TWIST2: variants seen among roughly 807,000 people sequenced by gnomAD.
The protein encoded by TWIST2 is twist-related protein 2.
TWIST2 carries 1 observed loss-of-function variant against 11.6 expected under a neutral mutation model. The ratio of observed to expected loss-of-function variants is 0.09; its 90% CI spans 0.03 to 0.41. The LOEUF is 0.41. Ranked by LOEUF, TWIST2 falls within the 10% of genes least tolerant of loss-of-function variation. The pLI is 0.98. For missense variants in TWIST2, 168 were observed against 226.4 expected, an observed-to-expected ratio of 0.74 and a Z score of 1.66; for synonymous variants, 87 against 96.6, an observed-to-expected ratio of 0.90 and a Z score of 0.58.
intron 1 of TWIST2, among the ~76,000 whole-genome samples, chr2:238,905,940 TGTGCGCGC>T (rs1476254502): frequency 5.0e-4 from 54 of 107,590 alleles, no homozygotes; most frequent in Non-Finnish European, 8.2e-4. Context: ...TGCGCGTGTG[TGTGCGCGC>T]GCGTGTGTAC....
intron 1 of TWIST2, among the ~76,000 whole-genome samples, chr2:238,859,085 G>A (rs1194158249): frequency 1.3e-5 from 2 of 151,880 alleles, no homozygotes; most frequent in African/African-American, 2.4e-5. Flanking sequence ...GGTGGCGGGC[G>A]CTTATAGTTC....
intron 1 of TWIST2, among the ~76,000 whole-genome samples, chr2:238,899,567 G>A (rs1447599611): frequency 2.6e-5 from 4 of 152,160 alleles, no homozygotes; most frequent in African/African-American, 4.8e-5. Flanking sequence ...TCCAGGGCCC[G>A]TCTCAGGGAG....
At position 238,864,947 on chromosome 2, in the gene TWIST2, A is replaced by T. The variant is rs1334680991; in HGVS notation, c.*35+16214A>T. Among the ~76,000 whole-genome samples the T allele has an allele frequency of 6.6e-6, 1 of 152,072 alleles. No homozygotes were observed. The highest frequency in any genetic ancestry group is 2.4e-5 in the African/African-American group (1 of 41,430). ...CCGGGAGGACCTGGAGGATGCATCTACTGCCAGGCTCGGTGGGCCTGGCCA... is the reference window on the plus strand; with the variant it reads ...CCGGGAGGACCTGGAGGATGCATCTTCTGCCAGGCTCGGTGGGCCTGGCCA... On this transcript the variant is annotated intron_variant, in intron 1 of 1. Transcript: ENST00000612363. The surrounding 1 kb of genome is among the most constrained non-coding windows in gnomAD (Gnocchi z 4.7).
chr2:238,870,432 TACACACACCACACACCCCA>T (rs1692648880), intron 1 of TWIST2, among the ~76,000 whole-genome samples: 2 of 1,620 alleles, frequency 1.2e-3, no homozygotes, highest in African/African-American at 1.9e-3. Context: ...CCACACACCC[TACACACACCACACACCCCA>T]CACACACCAC....
chr2:238,867,939 T>A lies in TWIST2; in HGVS notation c.*35+19206T>A, dbSNP rs1019402057. On this transcript the variant is annotated intron_variant, in intron 1 of 1. Transcript: ENST00000612363. The surrounding 1 kb of genome is among the most constrained non-coding windows in gnomAD (Gnocchi z 4.8). ...GAATGTGTTGGAGCAGAGACTGTGGTCAGCGGAAGGCATGAGAGGGGCCAC... is the reference window on the plus strand; with the variant it reads ...GAATGTGTTGGAGCAGAGACTGTGGACAGCGGAAGGCATGAGAGGGGCCAC... Among the ~76,000 whole-genome samples the A allele has an allele frequency of 2.0e-5, 3 of 152,092 alleles. No individual in the cohort carries two copies. The highest frequency in any genetic ancestry group is 2.0e-4 in the Admixed American group (3 of 15,278).
intron 1 of TWIST2, among the ~76,000 whole-genome samples, chr2:238,879,721 G>T (rs1209623836): frequency 6.6e-6 from 1 of 152,226 alleles, no homozygotes; most frequent in Admixed American, 6.5e-5. Context: ...GACATGGACA[G>T]CCCTGCCAGA....
chr2:238,870,530 CACCCTACAT>C (rs1692654692), intron 1 of TWIST2, among the ~76,000 whole-genome samples: 1 of 136,120 alleles, frequency 7.3e-6, no homozygotes, highest in Non-Finnish European at 1.6e-5. Flanking sequence ...ACAAACCACA[CACCCTACAT>C]ACCCCACACA....
chr2:238,866,069 G>A lies in TWIST2; in HGVS notation c.*35+17336G>A, dbSNP rs934236464. On this transcript the variant is annotated intron_variant, in intron 1 of 1. Transcript: ENST00000612363. The surrounding 1 kb of genome is among the most constrained non-coding windows in gnomAD (Gnocchi z 4.9). The stretch of plus-strand genomic sequence containing the variant: ...AACCTGTTAATGGAATAGCATGGAC[G>A]ATGCACCCCACACTGCATCTGGTGT... Among the ~76,000 whole-genome samples, 6 of 152,274 alleles carry A rather than the reference G, an allele frequency of 3.9e-5. No individual in the cohort carries two copies. The highest frequency in any genetic ancestry group is 9.6e-5 in the African/African-American group (4 of 41,566).
rs1692478785 is a variant in TWIST2 at position 238,863,912 on chromosome 2, G to T, written c.*35+15179G>T. On this transcript the variant is annotated intron_variant, in intron 1 of 1. Coordinates refer to ENST00000612363, the MANE Select transcript of TWIST2 (RefSeq NM_001271893.4). This position sits in a 1 kb window ranked among gnomAD's most constrained non-coding sequence, Gnocchi z 4.7. ...AGAGTAGGTCTACCCCCTATCCTGGGGGCATCCCTGTGTGCCAGCTTCTCC... is the reference window on the plus strand; with the variant it reads ...AGAGTAGGTCTACCCCCTATCCTGGTGGCATCCCTGTGTGCCAGCTTCTCC... Among the ~76,000 whole-genome samples the T allele has an allele frequency of 6.6e-6, 1 of 152,082 alleles. No individual in the cohort carries two copies.
intron 1 of TWIST2, among the ~76,000 whole-genome samples, chr2:238,901,789 A>G (rs1693271226): frequency 6.6e-6 from 1 of 152,096 alleles, no homozygotes; most frequent in African/African-American, 2.4e-5. Context: ...GCCAGGACCC[A>G]TCGAGACCCA....
At chr2:238,902,015 G>T (rs887044441) in intron 1 of TWIST2, among the ~76,000 whole-genome samples, 2 of 152,140 alleles carry the variant, frequency 1.3e-5, no homozygotes, top group Non-Finnish European at 2.9e-5. Context: ...AGGGGCTGAG[G>T]AAAGGCAGGG....
chr2:238,908,491 CACAT>C (rs1380421487), intron 1 of TWIST2, among the ~76,000 whole-genome samples: 3 of 152,058 alleles, frequency 2.0e-5, no homozygotes, highest in Non-Finnish European at 2.9e-5. Context: ...CTATATACCA[CACAT>C]ACATACCCCA....
chr2:238,855,600 G>T (rs1048274585), intron 1 of TWIST2, among the ~76,000 whole-genome samples: 1 of 152,104 alleles, frequency 6.6e-6, no homozygotes, highest in African/African-American at 2.4e-5. Context: ...GTTTCCTACC[G>T]CTTCCCCCAA....
intron 1 of TWIST2, among the ~76,000 whole-genome samples, chr2:238,888,103 G>A (rs1371155714): frequency 6.6e-6 from 1 of 152,212 alleles, no homozygotes; most frequent in African/African-American, 2.4e-5. Context: ...TGTTCCCAAG[G>A]TGTAACCATA....
intron 1 of TWIST2, among the ~76,000 whole-genome samples, chr2:238,895,538 C>T (rs1203333361): frequency 1.3e-5 from 2 of 152,222 alleles, no homozygotes; most frequent in Non-Finnish European, 2.9e-5. Flanking sequence ...TTGCAGGGCC[C>T]AGGTACTGGG....
chr2:238,854,757 T>G (rs1692299759), intron 1 of TWIST2, among the ~76,000 whole-genome samples: 2 of 152,208 alleles, frequency 1.3e-5, no homozygotes, highest in Admixed American at 6.5e-5. Flanking sequence ...AGGGGCTCCA[T>G]GAGGGACAGC....
At chr2:238,881,523 G>C (rs1187622033) in intron 1 of TWIST2, among the ~76,000 whole-genome samples, 4 of 152,006 alleles carry the variant, frequency 2.6e-5, no homozygotes, top group African/African-American at 9.7e-5. Flanking sequence ...GTATTTGTTA[G>C]TATTAGTGTT....
chr2:238,907,275 A>G, intron 1 of TWIST2, among the ~76,000 whole-genome samples: 1 of 152,290 alleles, frequency 6.6e-6, no homozygotes, highest in South Asian at 2.1e-4. Context: ...TTATGACACC[A>G]CATCCCTGTA....
Position 238,864,092 on chromosome 2 carries a change from T to A in TWIST2, c.*35+15359T>A, listed in dbSNP as rs1692484744. ...ACCCTGGGCTACATTTGACGCATATTTCTGGCAAATTCTGGGACCACCTTT... is the reference window on the plus strand; with the variant it reads ...ACCCTGGGCTACATTTGACGCATATATCTGGCAAATTCTGGGACCACCTTT... On this transcript the variant is annotated intron_variant, in intron 1 of 1. Coordinates refer to ENST00000612363, the MANE Select transcript of TWIST2 (RefSeq NM_001271893.4). This position sits in a 1 kb window ranked among gnomAD's most constrained non-coding sequence, Gnocchi z 4.7. 6.6e-6 allele frequency among the ~76,000 whole-genome samples: 1 copy of A among 152,168 alleles called. No individual in the cohort carries two copies. Among genetic ancestry groups the A allele is most frequent in the Non-Finnish European group, 1.5e-5 (1 of 68,034 alleles).
Sources: gnomAD v4.1 joint callset for allele counts (sites outside exome capture counted in the v4.1 genomes callset) on GRCh38, gnomAD v4.1.1 for gene constraint, Gnocchi (gnomAD v3.1) non-coding constraint, MANE v1.5 for transcripts, NCBI Gene and HGNC (gene_info 2026-07-23, HGNC 2026-07-21) for gene names.